ROBO1: variants seen among roughly 807,000 people sequenced by gnomAD.
ROBO1 encodes the protein roundabout homolog 1.
ROBO1 carries 149 observed loss-of-function variants against 195.9 expected under a neutral mutation model. The ratio of observed to expected loss-of-function variants is 0.76; its 90% CI spans 0.67 to 0.87. The LOEUF is 0.87. ROBO1 is among the 40% of genes least tolerant of loss of function. ROBO1 has a pLI of 0.00. For missense variants in ROBO1, 1,933 were observed against 2,068.3 expected (o/e 0.93, Z 1.27); for synonymous variants, 816 against 733.2 (o/e 1.11, Z -1.82).
At chr3:79,467,741 A>G (rs1938043053) in intron 2 of ROBO1, among the ~76,000 whole-genome samples, 1 of 152,158 alleles carries the variant, frequency 6.6e-6, no homozygotes, top group South Asian at 2.1e-4. Context: ...GAACCTGGGT[A>G]GCAAGTGGGC....
chr3:78,935,891 C>T (rs1482411397), intron 4 of ROBO1, among the ~76,000 whole-genome samples: 1 of 151,918 alleles, frequency 6.6e-6, no homozygotes, highest in Non-Finnish European at 1.5e-5. Flanking sequence ...CTATACATTT[C>T]CTAGCATTCC....
At chr3:78,819,236 G>C (rs1219258082) in intron 4 of ROBO1, among the ~76,000 whole-genome samples, 1 of 151,880 alleles carries the variant, frequency 6.6e-6, no homozygotes, top group Non-Finnish European at 1.5e-5. Context: ...ATGCACATAC[G>C]ATTCTAATTT....
Position 79,724,433 on chromosome 3 carries a change from A to T in ROBO1, c.-51+43319T>A, listed in dbSNP as rs534311598. Among the ~76,000 whole-genome samples, 7 of 152,276 alleles carry T rather than the reference A, an allele frequency of 4.6e-5. No homozygotes were observed. The South Asian group carries it at 1.5e-3, about 32-fold the overall frequency. ...CTCTCTTCTTGAGTAACTTGCTTCT[A>T]ATCAACAGAATACGGCAACGTTGAA... On this transcript the variant is annotated intron_variant, in intron 1 of 30. Coordinates refer to ENST00000464233, the MANE Select transcript of ROBO1 (RefSeq NM_002941.4).
chr3:79,550,206 G>A (rs1320539217), intron 2 of ROBO1, among the ~76,000 whole-genome samples: 3 of 100,382 alleles, frequency 3.0e-5, no homozygotes, highest in African/African-American at 1.4e-4. Context: ...GAAAAGAAAA[G>A]AAAAGAAAAG....
At chr3:79,287,708 C>T (rs985336049) in intron 2 of ROBO1, among the ~76,000 whole-genome samples, 5 of 152,100 alleles carry the variant, frequency 3.3e-5, no homozygotes, top group African/African-American at 1.2e-4. Context: ...TCAGTTTTCC[C>T]CAAATCCCGC....
chr3:78,837,967 C>A (rs2032885874), intron 4 of ROBO1, among the ~76,000 whole-genome samples: 1 of 152,074 alleles, frequency 6.6e-6, no homozygotes, highest in Non-Finnish European at 1.5e-5. Flanking sequence ...CAATTAAATG[C>A]CAACATTTGT....
chr3:79,383,657 C>T (rs190432052), intron 2 of ROBO1, among the ~76,000 whole-genome samples: 3 of 152,142 alleles, frequency 2.0e-5, no homozygotes, highest in Admixed American at 6.5e-5. Context: ...TTTTTACTCA[C>T]TATTAATCTA....
At chr3:79,501,020 C>T (rs1940043064) in intron 2 of ROBO1, among the ~76,000 whole-genome samples, 2 of 152,160 alleles carry the variant, frequency 1.3e-5, no homozygotes, top group South Asian at 2.1e-4. Context: ...ACCACTCACT[C>T]ACACATTTAG....
chr3:79,187,454 A>C (rs1179189826), intron 2 of ROBO1, among the ~76,000 whole-genome samples: 1 of 152,076 alleles, frequency 6.6e-6, no homozygotes, highest in Non-Finnish European at 1.5e-5. Context: ...CCTCTAAAGC[A>C]TGATCATTTC....
intron 2 of ROBO1, among the ~76,000 whole-genome samples, chr3:79,233,179 G>A (rs958374032): frequency 6.6e-6 from 1 of 151,870 alleles, no homozygotes; most frequent in African/African-American, 2.4e-5. Flanking sequence ...AAAAAGAGGA[G>A]GAGAAGGAAA....
chr3:79,335,906 C>T (rs968916860), intron 2 of ROBO1, among the ~76,000 whole-genome samples: 2 of 152,098 alleles, frequency 1.3e-5, no homozygotes, highest in African/African-American at 4.8e-5. Context: ...GAAGTTCAGG[C>T]TGAGGTGGTC....
chr3:78,986,920 T>C (rs919615346), intron 3 of ROBO1, among the ~76,000 whole-genome samples: 1 of 152,196 alleles, frequency 6.6e-6, no homozygotes. Flanking sequence ...AGATCACCAA[T>C]GCATTTTACT....
intron 2 of ROBO1, among the ~76,000 whole-genome samples, chr3:79,468,859 G>C (rs1028328209): frequency 7.9e-5 from 12 of 152,106 alleles, no homozygotes; most frequent in African/African-American, 2.9e-4. Flanking sequence ...GATGGAAAGA[G>C]ATAATTTTAG....
At chr3:79,588,103 C>A (rs762421504) in intron 2 of ROBO1, among the ~76,000 whole-genome samples, 7 of 151,572 alleles carry the variant, frequency 4.6e-5, no homozygotes, top group Non-Finnish European at 7.4e-5. Context: ...TAACTGATAA[C>A]CAAACTATCA....
At position 79,100,172 on chromosome 3, in the gene ROBO1, C is replaced by T. The variant is rs116119809; in HGVS notation, c.172+25284G>A. Among the ~76,000 whole-genome samples, 1,411 of 151,860 alleles carry T rather than the reference C, an allele frequency of 9.3e-3. 9 individuals carry two copies. Among genetic ancestry groups the T allele is most frequent in the Non-Finnish European group, 0.015 (984 of 67,812 alleles). Reference sequence around the variant, plus strand: ...ACAGAAATCAAATAATGATACCAAACACATCTGGGCACCATCATTCTTTTT... The same window carrying T: ...ACAGAAATCAAATAATGATACCAAATACATCTGGGCACCATCATTCTTTTT... On this transcript the variant is annotated intron_variant, in intron 3 of 30. Transcript: ENST00000464233.
intron 2 of ROBO1, among the ~76,000 whole-genome samples, chr3:79,284,920 T>G (rs1171532808): frequency 3.3e-5 from 5 of 151,894 alleles, no homozygotes; most frequent in Non-Finnish European, 7.4e-5. Flanking sequence ...GGTGACAAAA[T>G]AGCCTGGAAA....
chr3:78,693,252 T>C (rs1475505404), intron 8 of ROBO1: 6 of 1,507,628 alleles, frequency 4.0e-6, no homozygotes, highest in African/African-American at 1.4e-5. Flanking sequence ...GGCTGATTGG[T>C]TGAAGGACAT....
At chr3:79,274,836 T>C (rs369993805) in intron 2 of ROBO1, among the ~76,000 whole-genome samples, 18 of 152,096 alleles carry the variant, frequency 1.2e-4, no homozygotes, top group African/African-American at 4.1e-4. Flanking sequence ...CGAACGATCA[T>C]TAGAGGTTAG....
At chr3:78,613,156 T>C (rs1329531399) in intron 28 of ROBO1, among the ~76,000 whole-genome samples, 2 of 152,122 alleles carry the variant, frequency 1.3e-5, no homozygotes, top group African/African-American at 4.8e-5. Flanking sequence ...TTAAAAAGCA[T>C]CACTCAATGC....
Sources: gnomAD v4.1 joint callset for allele counts (sites outside exome capture counted in the v4.1 genomes callset) on GRCh38, gnomAD v4.1.1 for gene constraint, MANE v1.5 for transcripts, NCBI Gene and HGNC (gene_info 2026-07-23, HGNC 2026-07-21) for gene names.